The following PHACTR4 variants were observed in gnomAD, a reference collection of about 807,000 sequenced individuals.
PHACTR4 encodes the protein phosphatase and actin regulator 4, also known as protein phosphatase 1, regulatory subunit 124.
A neutral mutation model predicts 72.7 loss-of-function variants in PHACTR4; 51 were observed. The ratio of observed to expected loss-of-function variants is 0.70; its 90% CI spans 0.56 to 0.89. The LOEUF is 0.89. Ranked by LOEUF, PHACTR4 falls within the 40% of genes least tolerant of loss-of-function variation. The probability of loss-of-function intolerance (pLI) is 0.00; values close to 1 mark genes in which losing one functional copy is unlikely to be tolerated. For missense variants in PHACTR4, 731 were observed against 861.8 expected, an observed-to-expected ratio of 0.85 and a Z score of 1.90; for synonymous variants, 255 against 302.5, an observed-to-expected ratio of 0.84 and a Z score of 1.63.
chr1:28,437,184 T>C (rs998815147), intron 2 of PHACTR4, among the ~76,000 whole-genome samples: 2 of 152,216 alleles, frequency 1.3e-5, no homozygotes, highest in Admixed American at 1.3e-4. Context: ...CAGAATACTA[T>C]AGACTGGGGG....
chr1:28,435,997 G>A (rs34734086), intron 2 of PHACTR4, among the ~76,000 whole-genome samples: 58,656 of 151,998 alleles, frequency 0.39, 13,010 homozygotes, highest in African/African-American at 0.6. Flanking sequence ...ATTACTACCA[G>A]TATTAACAAT....
intron 1 of PHACTR4, among the ~76,000 whole-genome samples, chr1:28,390,004 G>A (rs577986293): frequency 6.6e-6 from 1 of 152,254 alleles, no homozygotes; most frequent in Non-Finnish European, 1.5e-5. Flanking sequence ...AGAAAATTTG[G>A]TATATATACA....
intron 2 of PHACTR4, among the ~76,000 whole-genome samples, chr1:28,422,990 T>C (rs1224767755): frequency 2.0e-5 from 3 of 152,230 alleles, no homozygotes; most frequent in Non-Finnish European, 1.5e-5. Context: ...GGTTTCCCCA[T>C]GTTGACCAGG....
intron 2 of PHACTR4, among the ~76,000 whole-genome samples, chr1:28,433,462 C>CTTTTTT (rs567134987): frequency 7.7e-6 from 1 of 130,532 alleles, no homozygotes; most frequent in Admixed American, 8.1e-5. Flanking sequence ...TTCTTTTTTT[C>CTTTTTT]TTTTTTTTTT....
At chr1:28,496,050 CTTTTTTTTTTTTT>C (rs59019895) in intron 13 of PHACTR4, among the ~76,000 whole-genome samples, 2 of 88,762 alleles carry the variant, frequency 2.3e-5, no homozygotes, top group Non-Finnish European at 4.3e-5. Flanking sequence ...GAGAAGAGTT[CTTTTTTTTTTTTT>C]TTTTTTTTTT....
rs576540633 is a variant in PHACTR4 at position 28,465,293 on chromosome 1, C to G, written c.272-392C>G. On this transcript the variant is annotated intron_variant, in intron 4 of 13. Transcript: ENST00000373839. ...TGGCTAACACGGTGAAACCCCGTCT[C>G]CACTAAAAAATACAAAAAATTAGTC... Among the ~76,000 whole-genome samples, 2 of 152,154 alleles carry G rather than the reference C, an allele frequency of 1.3e-5. 1 individual carries two copies. The highest frequency in any genetic ancestry group is 4.1e-4 in the South Asian group (2 of 4,822).
At chr1:28,466,890 A>C in intron 6 of PHACTR4, 122 bp downstream of exon 6, 1 of 1,371,208 alleles carries the variant, frequency 7.3e-7, no homozygotes, top group Non-Finnish European at 9.9e-7. Context: ...TGTCCCTTTG[A>C]ATGACCTCAA....
At chr1:28,460,520 C>G (rs1470449880) in intron 4 of PHACTR4, among the ~76,000 whole-genome samples, 1 of 151,812 alleles carries the variant, frequency 6.6e-6, no homozygotes, top group Non-Finnish European at 1.5e-5. Flanking sequence ...TTTTTTTTCC[C>G]CCCCTTGAGA....
chr1:28,426,272 A>G (rs1032203616), intron 2 of PHACTR4, among the ~76,000 whole-genome samples: 19 of 152,118 alleles, frequency 1.2e-4, no homozygotes, highest in Non-Finnish European at 2.6e-4. Flanking sequence ...ACTAAATAAA[A>G]TGAAACTTTT....
At chr1:28,431,546 A>G (rs1656267978) in intron 2 of PHACTR4, among the ~76,000 whole-genome samples, 1 of 151,842 alleles carries the variant, frequency 6.6e-6, no homozygotes, top group Non-Finnish European at 1.5e-5. Flanking sequence ...CATTCCAAAA[A>G]GAACTCTGAG....
intron 2 of PHACTR4, among the ~76,000 whole-genome samples, chr1:28,440,600 C>A (rs992762470): frequency 6.6e-6 from 1 of 151,688 alleles, no homozygotes; most frequent in Non-Finnish European, 1.5e-5. Flanking sequence ...AAATCAGGAG[C>A]TTAACTAAGT....
intron 2 of PHACTR4, among the ~76,000 whole-genome samples, chr1:28,424,802 G>GTT (rs573613418): frequency 1.4e-5 from 2 of 147,328 alleles, no homozygotes; most frequent in African/African-American, 5.0e-5. Context: ...TTTTTGTTGT[G>GTT]TTTTTTTTTG....
chr1:28,415,227 C>T (rs1247785544), intron 2 of PHACTR4, among the ~76,000 whole-genome samples: 1 of 149,728 alleles, frequency 6.7e-6, no homozygotes, highest in Non-Finnish European at 1.5e-5. Context: ...CGCCACTCCA[C>T]GCCAGCCTGG....
intron 2 of PHACTR4, among the ~76,000 whole-genome samples, chr1:28,440,595 A>C (rs572905494): frequency 1.3e-5 from 2 of 151,910 alleles, no homozygotes; most frequent in African/African-American, 4.8e-5. Flanking sequence ...AATAGAAATC[A>C]GGAGCTTAAC....
At chr1:28,449,578 G>A (rs1657782892) in intron 2 of PHACTR4, among the ~76,000 whole-genome samples, 1 of 152,126 alleles carries the variant, frequency 6.6e-6, no homozygotes, top group Non-Finnish European at 1.5e-5. Context: ...ATGGCCCAGT[G>A]CTGTGGCTCA....
chr1:28,465,139 C>T (rs768540102), intron 4 of PHACTR4, among the ~76,000 whole-genome samples: 28 of 151,858 alleles, frequency 1.8e-4, no homozygotes, highest in Non-Finnish European at 2.9e-4. Flanking sequence ...AACAGGAAGA[C>T]GAGGGAAAGA....
intron 2 of PHACTR4, among the ~76,000 whole-genome samples, chr1:28,408,759 T>C (rs1330229283): frequency 1.3e-5 from 2 of 151,366 alleles, no homozygotes; most frequent in Non-Finnish European, 2.9e-5. Flanking sequence ...CACTGCAGCC[T>C]TGACCTCCCG....
chr1:28,401,229 G>GA (rs1013031425), intron 1 of PHACTR4, among the ~76,000 whole-genome samples: 4 of 150,106 alleles, frequency 2.7e-5, no homozygotes, highest in Admixed American at 1.3e-4. Context: ...AGCAAGAAAG[G>GA]AAAAAAAAGT....
chr1:28,443,362 A>C (rs751570574), intron 2 of PHACTR4, among the ~76,000 whole-genome samples: 213 of 151,224 alleles, frequency 1.4e-3, no homozygotes, highest in Non-Finnish European at 2.2e-3. Flanking sequence ...GCTCACTGCA[A>C]CCTCCACCTC....
Sources: gnomAD v4.1 joint callset for allele counts (sites outside exome capture counted in the v4.1 genomes callset) on GRCh38, gnomAD v4.1.1 for gene constraint, MANE v1.5 for transcripts, NCBI Gene and HGNC (gene_info 2026-07-23, HGNC 2026-07-21) for gene names.